NEDD4L: variants seen among roughly 807,000 people sequenced by gnomAD.
NEDD4L encodes E3 ubiquitin-protein ligase NEDD4-like.
NEDD4L carries 54 observed loss-of-function variants against 148.9 expected under a neutral mutation model. That is an observed-to-expected ratio of 0.36 (90% CI 0.29 to 0.45). The LOEUF is 0.45. Among genes scored for constraint, NEDD4L ranks in the 20% least tolerant of loss-of-function variants. The pLI, the probability that NEDD4L is intolerant of heterozygous loss-of-function variation, is 1.00. For synonymous variants in NEDD4L, 433 were observed against 440.7 expected (o/e 0.98, Z 0.22); for missense variants, 856 against 1,233.8 (o/e 0.69, Z 4.59).
At chr18:58,155,758 A>C (rs1196005630) in intron 1 of NEDD4L, among the ~76,000 whole-genome samples, 1 of 152,184 alleles carries the variant, frequency 6.6e-6, no homozygotes, top group Non-Finnish European at 1.5e-5. Flanking sequence ...GGTCAGTTGC[A>C]GGCCTTCAGC....
At chr18:58,332,065 C>T (rs2059832524) in intron 11 of NEDD4L, among the ~76,000 whole-genome samples, 1 of 152,134 alleles carries the variant, frequency 6.6e-6, no homozygotes, top group Non-Finnish European at 1.5e-5. Context: ...ACAACATAAA[C>T]AATGAAGCCT....
chr18:58,364,315 G>A lies in NEDD4L; in HGVS notation c.1815G>A (p.Arg605=), dbSNP rs563311183. 1.3e-5 allele frequency: 20 copies of A among 1,560,846 alleles called. No individual in the cohort carries two copies. In the East Asian group the frequency reaches 3.0e-4, roughly 24 times the overall value. The change falls in exon 20 of 31, where the codon AGG becomes AGA. Residue 605 remains arginine, a synonymous_variant. Transcript: ENST00000400345. The part of the protein sequence containing the change: ...REFKQKYDYF[R]KKLKKPADIP... ...TTAAGCAGAAATATGACTACTTCAG[G>A]AAGAAATTAAAGAAACCTGTGAGTA...
rs192302659 is a variant in NEDD4L, at chr18:58,130,787, T to C, written c.49-35001T>C. Among the ~76,000 whole-genome samples, 16 of 143,652 alleles carry C rather than the reference T, an allele frequency of 1.1e-4. No homozygotes were observed. In the East Asian group the frequency reaches 3.4e-3, roughly 31 times the overall value. The allele number at this position is 143,652 out of a possible 152,430, so 94.2% of individuals were successfully genotyped here. A position where few individuals can be genotyped will look rare whatever the true frequency, so the allele number is the denominator to read the frequency against. ...GCGGAACTGTGGCAGTGTTGGGCTC[T>C]GGATTTGGTTGGTTGTGATCTAGCA... On this transcript the variant is annotated intron_variant, in intron 1 of 30. Coordinates refer to ENST00000400345, the MANE Select transcript of NEDD4L (RefSeq NM_001144967.3).
At chr18:58,265,679 C>T (rs1057024778) in intron 5 of NEDD4L, among the ~76,000 whole-genome samples, 1 of 151,884 alleles carries the variant, frequency 6.6e-6, no homozygotes, top group Non-Finnish European at 1.5e-5. Context: ...ATCCTCCCAC[C>T]TCAGACTCCC....
chr18:58,233,533 G>A (rs2045517794), intron 2 of NEDD4L, among the ~76,000 whole-genome samples: 1 of 152,174 alleles, frequency 6.6e-6, no homozygotes, highest in Non-Finnish European at 1.5e-5. Flanking sequence ...CTCCCACTGG[G>A]TCCCTCCCAC....
chr18:58,337,493 GTAT>G (rs1182277343), intron 13 of NEDD4L, among the ~76,000 whole-genome samples: 23 of 152,162 alleles, frequency 1.5e-4, no homozygotes, highest in African/African-American at 5.3e-4. Flanking sequence ...AGCCATCATG[GTAT>G]TATATCATCT....
intron 2 of NEDD4L, chr18:58,194,210 A>G (rs764948980): frequency 6.6e-6 from 1 of 152,248 alleles, no homozygotes; most frequent in Non-Finnish European, 1.5e-5. Context: ...GCTGCCTGCT[A>G]CAGAGGAGAT....
intron 2 of NEDD4L, among the ~76,000 whole-genome samples, chr18:58,177,752 A>G (rs1387354918): frequency 6.6e-6 from 1 of 152,260 alleles, no homozygotes; most frequent in Non-Finnish European, 1.5e-5. Context: ...TTTCTCAGAT[A>G]TGTATTGCCA....
chr18:58,228,384 A>G (rs2044633107), intron 2 of NEDD4L, among the ~76,000 whole-genome samples: 1 of 152,204 alleles, frequency 6.6e-6, no homozygotes, highest in Non-Finnish European at 1.5e-5. Context: ...TTTCTAGCAG[A>G]GGAGAAAGCA....
rs1478135283 is a variant in NEDD4L, at chr18:58,298,325, G to A, written c.298-17657G>A. ...TAATGCATGATACAGATAGTATTCT[G>A]GGAATACCTGATGTTCAGCTTATCC... is the stretch of plus-strand genomic sequence containing the variant. On this transcript the variant is annotated intron_variant, in intron 5 of 30. Transcript: ENST00000400345. 2.0e-5 allele frequency among the ~76,000 whole-genome samples: 3 copies of A among 152,214 alleles called. No homozygotes were observed. In the East Asian group the frequency reaches 5.8e-4, roughly 29 times the overall value.
At position 58,366,311 on chromosome 18, in the gene NEDD4L, A is replaced by C; in HGVS notation, c.2063+83A>C. 59 of 1,027,184 alleles carry C rather than the reference A, an allele frequency of 5.7e-5. No individual in the cohort carries two copies. Among genetic ancestry groups the C allele is most frequent in the Non-Finnish European group, 8.0e-5 (57 of 716,450 alleles). 63.6% of individuals were successfully genotyped at this position (1,027,184 alleles called of 1,614,324 possible). ...AACAGAATGAAAGGATAAGCAGCTC[A>C]TGAGTTCGAGATGCATTAACTCTGC... On this transcript the variant is annotated intron_variant, in intron 21 of 30. Transcript: ENST00000400345. This position sits in a 1 kb window ranked among gnomAD's most constrained non-coding sequence, Gnocchi z 4.2.
chr18:58,142,710 C>T lies in NEDD4L; in HGVS notation c.49-23078C>T, dbSNP rs371252233. 2.2e-4 allele frequency among the ~76,000 whole-genome samples: 33 copies of T among 152,268 alleles called. No homozygotes were observed. The East Asian group carries it at 2.9e-3, about 13-fold the overall frequency. ...ATCTCTCTATTTACCATTTTAATGC[C>T]ACATATTTAATGAGCATTCAGGCCC... On this transcript the variant is annotated intron_variant, in intron 1 of 30. Transcript: ENST00000400345.
At chr18:58,228,530 T>A (rs749022668) in intron 2 of NEDD4L, among the ~76,000 whole-genome samples, 7 of 151,946 alleles carry the variant, frequency 4.6e-5, no homozygotes, top group Non-Finnish European at 1.0e-4. Context: ...CAGTGCAGAG[T>A]GGGTGAGGCA....
At chr18:58,285,273 C>G (rs1215425790) in intron 5 of NEDD4L, among the ~76,000 whole-genome samples, 1 of 151,926 alleles carries the variant, frequency 6.6e-6, no homozygotes, top group African/African-American at 2.4e-5. Flanking sequence ...ATAAAAGGAC[C>G]CATTCTAAAA....
chr18:58,241,589 TG>T (rs1840959913), intron 2 of NEDD4L, among the ~76,000 whole-genome samples: 2 of 152,060 alleles, frequency 1.3e-5, no homozygotes, highest in African/African-American at 4.8e-5. Context: ...AGGTCTGGGG[TG>T]GGGCCAGGTA....
In NEDD4L at chr18:58,383,336, T is replaced by G. The variant is rs1212480771; in HGVS notation, c.2426+17T>G. On this transcript the variant is annotated intron_variant, in intron 25 of 30. Transcript: ENST00000400345. ...ATATATCGAGTATGTATACACATATTTACTGCCTTTTCTTTGAATAATTGA... is the reference window on the plus strand; with the variant it reads ...ATATATCGAGTATGTATACACATATGTACTGCCTTTTCTTTGAATAATTGA... 3.7e-6 allele frequency: 5 copies of G among 1,350,458 alleles called. No homozygotes were observed. The African/African-American group carries it at 7.2e-5, about 20-fold the overall frequency. The allele number at this position is 1,350,458 out of a possible 1,614,324, so 83.7% of individuals were successfully genotyped here. A position where few individuals can be genotyped will look rare whatever the true frequency, so the allele number is the denominator to read the frequency against.
intron 1 of NEDD4L, among the ~76,000 whole-genome samples, chr18:58,115,090 C>T (rs1052391242): frequency 8.5e-5 from 13 of 152,132 alleles, no homozygotes; most frequent in Admixed American, 6.5e-5. Flanking sequence ...CTTGGGGGAC[C>T]GTCATTCCAC....
intron 5 of NEDD4L, among the ~76,000 whole-genome samples, chr18:58,285,851 A>G (rs1364425218): frequency 2.0e-5 from 3 of 152,050 alleles, no homozygotes; most frequent in Non-Finnish European, 2.9e-5. Context: ...TCATTCTTCA[A>G]CTCTTTACCC....
At chr18:58,267,128 A>G (rs1166464931) in intron 5 of NEDD4L, among the ~76,000 whole-genome samples, 1 of 152,052 alleles carries the variant, frequency 6.6e-6, no homozygotes, top group African/African-American at 2.4e-5. Context: ...GAATTGATCA[A>G]TTGGCAATTT....
Sources: gnomAD v4.1 joint callset for allele counts (sites outside exome capture counted in the v4.1 genomes callset) on GRCh38, gnomAD v4.1.1 for gene constraint, Gnocchi (gnomAD v3.1) non-coding constraint, MANE v1.5 for transcripts, NCBI Gene and HGNC (gene_info 2026-07-23, HGNC 2026-07-21) for gene names.